ZNF385D: variants seen among roughly 807,000 people sequenced by gnomAD.
ZNF385D encodes the protein zinc finger protein 385D.
ZNF385D carries 15 observed loss-of-function variants against 35.8 expected under a neutral mutation model. That is an observed-to-expected ratio of 0.42 (90% CI 0.28 to 0.64). The LOEUF (loss-of-function observed/expected upper bound fraction) is 0.64, where lower values mean the gene tolerates loss of function less well. ZNF385D is among the 30% of genes least tolerant of loss of function. The pLI, the probability that ZNF385D is intolerant of heterozygous loss-of-function variation, is 0.23. For missense variants in ZNF385D, 474 were observed against 494.6 expected, an observed-to-expected ratio of 0.96 and a Z score of 0.39; for synonymous variants, 212 against 186.8, an observed-to-expected ratio of 1.13 and a Z score of -1.10.
chr3:21,847,017 C>T (rs1486055127), intron 3 of ZNF385D, among the ~76,000 whole-genome samples: 1 of 151,998 alleles, frequency 6.6e-6, no homozygotes, highest in Non-Finnish European at 1.5e-5. Context: ...TTCTCAAGCC[C>T]CAACCAGGTA....
chr3:21,791,398 G>C lies in ZNF385D; in HGVS notation c.326-126370C>G, dbSNP rs1005190355. 2.0e-5 allele frequency among the ~76,000 whole-genome samples: 3 copies of C among 152,190 alleles called. No individual in the cohort carries two copies. In the East Asian group the frequency reaches 5.8e-4, roughly 29 times the overall value. On this transcript the variant is annotated intron_variant, in intron 3 of 5. Coordinates refer to the ZNF385D transcript ENST00000494108. ...GGACAAATGAAAAACATTTAACTAT[G>C]AGCAATAGTGACAAGAAGCAGGAGG...
intron 2 of ZNF385D, among the ~76,000 whole-genome samples, chr3:22,245,362 G>A (rs892980312): frequency 6.6e-6 from 1 of 151,600 alleles, no homozygotes; most frequent in Non-Finnish European, 1.5e-5. Context: ...TGCTTTCCAA[G>A]GAAAGCATGC....
chr3:22,225,750 C>G (rs1359308724), intron 2 of ZNF385D, among the ~76,000 whole-genome samples: 1 of 152,180 alleles, frequency 6.6e-6, no homozygotes, highest in South Asian at 2.1e-4. Context: ...AGGTCTTATT[C>G]TAAGCAAACC....
intron 2 of ZNF385D, among the ~76,000 whole-genome samples, chr3:22,199,932 T>C (rs538082033): frequency 4.3e-4 from 65 of 152,232 alleles, no homozygotes; most frequent in African/African-American, 1.5e-3. Context: ...TGAATGCTTA[T>C]TATATTCTAG....
rs1411543368 is a variant in ZNF385D at position 22,053,152 on chromosome 3, T to C, written c.325+115665A>G. Reference sequence around the variant, plus strand: ...ACTGCTGTGCTAGCAATCAGCGAGATTCCGTGGGCGTAGGACCCTCCGAGC... The same window carrying C: ...ACTGCTGTGCTAGCAATCAGCGAGACTCCGTGGGCGTAGGACCCTCCGAGC... On this transcript the variant is annotated intron_variant, in intron 3 of 5. Transcript: ENST00000494108. Among the ~76,000 whole-genome samples, 11 of 86,294 alleles carry C rather than the reference T, an allele frequency of 1.3e-4. 3 individuals carry two copies. The East Asian group carries it at 3.8e-3, about 30-fold the overall frequency. 56.6% of individuals were successfully genotyped at this position (86,294 alleles called of 152,430 possible).
chr3:21,543,997 T>G lies in ZNF385D; in HGVS notation c.276+20577A>C, dbSNP rs189353559. 5.4e-3 allele frequency among the ~76,000 whole-genome samples: 829 copies of G among 152,242 alleles called. 1 individual carries two copies. Among genetic ancestry groups the G allele is most frequent in the Non-Finnish European group, 7.8e-3 (529 of 68,006 alleles). ...GACCCCACCTAGCGACTGGATTTTT[T>G]TGTGTGTGTGTAGTGTGTGATGTCC... On this transcript the variant is annotated intron_variant, in intron 3 of 7. Transcript: ENST00000281523.
chr3:21,934,887 A>G (rs1247216127), intron 3 of ZNF385D, among the ~76,000 whole-genome samples: 1 of 152,180 alleles, frequency 6.6e-6, no homozygotes, highest in Non-Finnish European at 1.5e-5. Flanking sequence ...TTATTTACCA[A>G]ATAATTCTCA....
At chr3:22,114,961 A>G (rs960747083) in intron 3 of ZNF385D, among the ~76,000 whole-genome samples, 1 of 152,098 alleles carries the variant, frequency 6.6e-6, no homozygotes, top group Non-Finnish European at 1.5e-5. Flanking sequence ...ACTAAATGCT[A>G]GCTTCTTGAT....
intron 6 of ZNF385D, among the ~76,000 whole-genome samples, chr3:21,424,629 T>C (rs528700699): frequency 6.7e-6 from 1 of 150,298 alleles, no homozygotes; most frequent in South Asian, 2.1e-4. Flanking sequence ...AGTGTATTTT[T>C]AAACAAATAG....
intron 3 of ZNF385D, among the ~76,000 whole-genome samples, chr3:21,898,050 G>A (rs1388411927): frequency 6.6e-6 from 1 of 152,046 alleles, no homozygotes. Context: ...CATGTGCACT[G>A]GGATTGTATT....
intron 2 of ZNF385D, among the ~76,000 whole-genome samples, chr3:22,287,371 A>G (rs1702079205): frequency 6.6e-6 from 1 of 151,990 alleles, no homozygotes; most frequent in Non-Finnish European, 1.5e-5. Context: ...TAAAGTAATT[A>G]TTGATACAGG....
At position 22,258,577 on chromosome 3, in the gene ZNF385D, A is replaced by T. The variant is rs533614892; in HGVS notation, c.107-89542T>A. On this transcript the variant is annotated intron_variant, in intron 2 of 5. Transcript: ENST00000494108. ...GTAATAGTCTCCCAAAAAAGAATCT[A>T]AATATGGATTTCACCTACTGCAGAA... is the stretch of plus-strand genomic sequence containing the variant. 2.6e-5 allele frequency among the ~76,000 whole-genome samples: 4 copies of T among 151,758 alleles called. No homozygotes were observed. The East Asian group carries it at 7.8e-4, about 30-fold the overall frequency.
At chr3:21,871,280 C>T (rs568566580) in intron 3 of ZNF385D, among the ~76,000 whole-genome samples, 17 of 152,276 alleles carry the variant, frequency 1.1e-4, no homozygotes, top group Admixed American at 1.0e-3. Context: ...GTCACATTGT[C>T]AAAATGATGA....
intron 3 of ZNF385D, among the ~76,000 whole-genome samples, chr3:21,838,751 G>A (rs567793772): frequency 1.3e-5 from 2 of 152,098 alleles, no homozygotes; most frequent in East Asian, 3.9e-4. Context: ...GCCATCTATT[G>A]TAAGTTACAT....
intron 1 of ZNF385D, among the ~76,000 whole-genome samples, chr3:21,705,563 T>G (rs1045001486): frequency 6.6e-6 from 1 of 152,206 alleles, no homozygotes; most frequent in Non-Finnish European, 1.5e-5. Context: ...TACGTGGGCA[T>G]GGGAAGGCAA....
At chr3:21,800,484 T>C (rs76473319) in intron 3 of ZNF385D, among the ~76,000 whole-genome samples, 14,002 of 152,186 alleles carry the variant, frequency 0.092, 738 homozygotes, top group South Asian at 0.14. Context: ...TAATTTTTTT[T>C]CCTAAAAGCT....
At chr3:21,859,673 A>T (rs199713221) in intron 3 of ZNF385D, among the ~76,000 whole-genome samples, 6 of 146,876 alleles carry the variant, frequency 4.1e-5, no homozygotes, top group Admixed American at 6.8e-5. Flanking sequence ...CTCCAAAGGC[A>T]TTTTTTTTTT....
At chr3:22,046,431 C>T (rs1699010602) in intron 3 of ZNF385D, among the ~76,000 whole-genome samples, 1 of 152,052 alleles carries the variant, frequency 6.6e-6, no homozygotes, top group African/African-American at 2.4e-5. Context: ...TGTAGATTGG[C>T]TAAAATTCCC....
intron 3 of ZNF385D, among the ~76,000 whole-genome samples, chr3:21,531,991 C>T (rs1340808050): frequency 6.6e-6 from 1 of 152,084 alleles, no homozygotes; most frequent in African/African-American, 2.4e-5. Flanking sequence ...GATCTGGGCA[C>T]AAGGTAAATG....
Sources: allele counts gnomAD v4.1 joint callset (sites outside exome capture counted in the v4.1 genomes callset), GRCh38; gene constraint gnomAD v4.1.1; transcripts MANE v1.5; gene names NCBI Gene and HGNC (gene_info 2026-07-23, HGNC 2026-07-21).